Variants in EIF3H observed in about 807,000 individuals in gnomAD.
The protein encoded by EIF3H is eukaryotic translation initiation factor 3 subunit H, also known as eIF-3-gamma.
Under a neutral mutation model 44.2 loss-of-function variants are expected in EIF3H, and 26 were observed. The observed-to-expected ratio is 0.59, with a 90% CI of 0.43 to 0.82. The LOEUF (loss-of-function observed/expected upper bound fraction) is 0.82. EIF3H is among the 40% of genes least tolerant of loss of function. The pLI is 0.00. For missense variants in EIF3H, 359 were observed against 432.8 expected (o/e 0.83, Z 1.51); for synonymous variants, 166 against 151.9 (o/e 1.09, Z -0.68).
chr8:116,729,391 A>T (rs1049920109), intron 1 of EIF3H, among the ~76,000 whole-genome samples: 1 of 152,226 alleles, frequency 6.6e-6, no homozygotes, highest in African/African-American at 2.4e-5. Flanking sequence ...TTACAGTTCA[A>T]ACTATATTGA....
At chr8:116,704,976 A>G (rs900860740) in intron 2 of EIF3H, among the ~76,000 whole-genome samples, 2 of 152,236 alleles carry the variant, frequency 1.3e-5, no homozygotes, top group African/African-American at 4.8e-5. Context: ...TACAAAAGGT[A>G]CTTTCCAGTG....
At chr8:116,656,047 G>A (rs781329328) in intron 4 of EIF3H, 42 bp from the exon 5 acceptor site, 1 of 1,595,416 alleles carries the variant, frequency 6.3e-7, no homozygotes, top group South Asian at 1.1e-5. Context: ...ATGGTCAAAA[G>A]TAAGTGCTAA....
chr8:116,747,256 G>C (rs1815253642), intron 1 of EIF3H, among the ~76,000 whole-genome samples: 1 of 152,108 alleles, frequency 6.6e-6, no homozygotes, highest in African/African-American at 2.4e-5. Flanking sequence ...AGTAGAGATG[G>C]GGTTTCGCCA....
Position 116,657,262 on chromosome 8 carries a change from A to C in EIF3H, c.510T>G (p.Thr170=). The C allele has an allele frequency of 6.2e-7, 1 of 1,613,810 alleles. No homozygotes were observed. Among genetic ancestry groups the C allele is most frequent in the Non-Finnish European group, 8.5e-7 (1 of 1,179,770 alleles). The part of the protein sequence containing the change: ...GSLSLKAYRL[T]PKLMEVCKEK... The stretch of plus-strand genomic sequence containing the variant: ...CTTTACAAACTTCCATCAGTTTAGG[A>C]GTCAGTCTGTATGCCTTTAGTGAGA... Residue 170 remains threonine (T), a synonymous_variant, in exon 4 of 8, where the codon ACT becomes ACG. Coordinates refer to ENST00000521861, the MANE Select transcript of EIF3H (RefSeq NM_003756.3).
chr8:116,698,278 T>C (rs1263705139), intron 2 of EIF3H, among the ~76,000 whole-genome samples: 1 of 152,094 alleles, frequency 6.6e-6, no homozygotes, highest in Non-Finnish European at 1.5e-5. Flanking sequence ...CCATACACAT[T>C]TCATTCAAAA....
upstream of EIF3H, among the ~76,000 whole-genome samples, chr8:116,759,879 C>T (rs1386522146): frequency 6.6e-6 from 1 of 152,142 alleles, no homozygotes; most frequent in Non-Finnish European, 1.5e-5. Context: ...TCCAGGCACA[C>T]AGCACCACAC....
intron 7 of EIF3H, 30 bp downstream of exon 7, chr8:116,646,441 C>G (rs1187253352): frequency 1.2e-6 from 2 of 1,613,940 alleles, no homozygotes; most frequent in African/African-American, 1.3e-5. Context: ...ACGAACAAAA[C>G]CAGCCAGGTT....
intron 2 of EIF3H, among the ~76,000 whole-genome samples, chr8:116,683,133 T>C (rs1814017961): frequency 6.6e-6 from 1 of 152,262 alleles, no homozygotes; most frequent in Non-Finnish European, 1.5e-5. Context: ...TCATGTTCTA[T>C]GTAATGAATT....
intron 2 of EIF3H, among the ~76,000 whole-genome samples, chr8:116,705,499 C>T (rs912161203): frequency 7.0e-6 from 1 of 143,586 alleles, no homozygotes; most frequent in Non-Finnish European, 1.5e-5. Context: ...ACACCCCCCC[C>T]CACCACCAAC....
rs11781970 is a variant in EIF3H, at chr8:116,750,751, G to A, written c.132+4915C>T. Among the ~76,000 whole-genome samples, 11 of 151,902 alleles carry A rather than the reference G, an allele frequency of 7.2e-5. No individual in the cohort carries two copies. In the East Asian group the frequency reaches 1.6e-3, roughly 22 times the overall value. ...TAAAGAAAAAACTAAGTAGTCTGAG[G>A]GGCTGGAATGTACAGTTCCTACAAA... On this transcript the variant is annotated intron_variant, in intron 1 of 7. Transcript: ENST00000521861.
chr8:116,676,742 G>A (rs888908891), intron 2 of EIF3H, among the ~76,000 whole-genome samples: 1 of 152,212 alleles, frequency 6.6e-6, no homozygotes, highest in Non-Finnish European at 1.5e-5. Context: ...TGGCTTAGAA[G>A]CCCCTTCTTT....
At chr8:116,675,270 G>GT (rs1418534837) in intron 2 of EIF3H, among the ~76,000 whole-genome samples, 1 of 152,128 alleles carries the variant, frequency 6.6e-6, no homozygotes, top group African/African-American at 2.4e-5. Context: ...TTACACTCTT[G>GT]TTTTTCAACT....
chr8:116,741,356 C>T (rs1015495631), intron 1 of EIF3H, among the ~76,000 whole-genome samples: 5 of 152,180 alleles, frequency 3.3e-5, no homozygotes, highest in African/African-American at 1.2e-4. Flanking sequence ...GCTGGACATA[C>T]TATCTCTCAT....
At chr8:116,750,813 C>A (rs1815324348) in intron 1 of EIF3H, among the ~76,000 whole-genome samples, 1 of 152,136 alleles carries the variant, frequency 6.6e-6, no homozygotes, top group South Asian at 2.1e-4. Context: ...AACATAAATG[C>A]AAGAAACAAG....
intron 2 of EIF3H, among the ~76,000 whole-genome samples, chr8:116,719,752 A>G (rs926745152): frequency 2.0e-5 from 3 of 151,474 alleles, no homozygotes; most frequent in Non-Finnish European, 2.9e-5. Flanking sequence ...ATGAAAAACT[A>G]AAGAAGACTG....
chr8:116,681,398 T>C (rs1813987164), intron 2 of EIF3H, among the ~76,000 whole-genome samples: 1 of 151,316 alleles, frequency 6.6e-6, no homozygotes, highest in African/African-American at 2.4e-5. Context: ...CCGGGCACAG[T>C]GGCTCATGCC....
At chr8:116,709,462 C>A (rs1432799530) in intron 2 of EIF3H, among the ~76,000 whole-genome samples, 1 of 152,118 alleles carries the variant, frequency 6.6e-6, no homozygotes, top group Non-Finnish European at 1.5e-5. Context: ...TGTAAGGGAT[C>A]ACATGTTTTA....
intron 2 of EIF3H, among the ~76,000 whole-genome samples, chr8:116,676,438 T>G (rs1203710616): frequency 6.6e-6 from 1 of 152,092 alleles, no homozygotes; most frequent in Non-Finnish European, 1.5e-5. Flanking sequence ...GATGGCAGGA[T>G]GAAGTGCTGA....
intron 2 of EIF3H, among the ~76,000 whole-genome samples, chr8:116,668,084 GTC>G (rs1385541928): frequency 1.3e-5 from 2 of 152,130 alleles, no homozygotes; most frequent in Non-Finnish European, 2.9e-5. Flanking sequence ...GATTTGAGCC[GTC>G]AATTGTGACT....
Sources: allele counts gnomAD v4.1 joint callset (sites outside exome capture counted in the v4.1 genomes callset), GRCh38; gene constraint gnomAD v4.1.1; transcripts MANE v1.5; gene names NCBI Gene and HGNC (gene_info 2026-07-23, HGNC 2026-07-21).